The following ADGRA2 variants were observed in gnomAD, a reference collection of about 807,000 sequenced individuals.
ADGRA2 encodes adhesion G protein-coupled receptor A2.
In ADGRA2, 61 loss-of-function variants were observed where a neutral mutation model predicts 98.7. That is an observed-to-expected ratio of 0.62 (90% CI 0.50 to 0.76). The LOEUF (loss-of-function observed/expected upper bound fraction) is 0.76. Among genes scored for constraint, ADGRA2 ranks in the 30% least tolerant of loss-of-function variants. The pLI is 0.00. For missense variants in ADGRA2, 1,712 were observed against 1,860.0 expected (o/e 0.92, Z 1.46); for synonymous variants, 858 against 831.5 (o/e 1.03, Z -0.55).
At chr8:37,822,026 G>A (rs1161003386) in intron 2 of ADGRA2, among the ~76,000 whole-genome samples, 1 of 152,180 alleles carries the variant, frequency 6.6e-6, no homozygotes, top group Admixed American at 6.5e-5. Flanking sequence ...TGAGGCCCAG[G>A]AGGGAAGGCT....
At chr8:37,829,759 C>T in intron 5 of ADGRA2, 92 bp from the exon 6 acceptor site, 1 of 1,333,076 alleles carries the variant, frequency 7.5e-7, no homozygotes, top group Non-Finnish European at 1.1e-6. Context: ...CCCTCCTACC[C>T]TCTCCAGCTT....
intron 2 of ADGRA2, among the ~76,000 whole-genome samples, chr8:37,827,950 A>T (rs1194590486): frequency 1.3e-5 from 2 of 152,116 alleles, no homozygotes; most frequent in Admixed American, 6.5e-5. Context: ...CCTGGGCAAC[A>T]TAGTGGGACC....
At position 37,843,407 on chromosome 8, in the gene ADGRA2, C is replaced by G. The variant is rs1300884893; in HGVS notation, c.*1052C>G. On this transcript the variant is annotated 3_prime_UTR_variant, in exon 19 of 19. Coordinates refer to ENST00000412232, the MANE Select transcript of ADGRA2 (RefSeq NM_032777.10). The stretch of plus-strand genomic sequence containing the variant: ...AATGTCAAACCAGCTTCCCGACTCC[C>G]AGGAGCTCAAGCCAAGCCCAGAGGC... 1.3e-5 allele frequency: 2 copies of G among 152,318 alleles called. No individual in the cohort carries two copies. The highest frequency in any genetic ancestry group is 2.9e-5 in the Non-Finnish European group (2 of 68,104). The allele number at this position is 152,318 out of a possible 1,614,324, so 9.4% of individuals were successfully genotyped here. A position where few individuals can be genotyped will look rare whatever the true frequency, so the allele number is the denominator to read the frequency against.
At chr8:37,811,678 G>C (rs1804837076) in intron 1 of ADGRA2, among the ~76,000 whole-genome samples, 1 of 151,128 alleles carries the variant, frequency 6.6e-6, no homozygotes, top group Non-Finnish European at 1.5e-5. Context: ...GTTTCGCCAT[G>C]TTTGCCAGGC....
Position 37,841,798 on chromosome 8 carries a change from G to A in ADGRA2, c.3460G>A (p.Gly1154Ser). 1 of 1,531,248 alleles carries A rather than the reference G, an allele frequency of 6.5e-7. No homozygotes were observed. Among genetic ancestry groups the A allele is most frequent in the South Asian group, 1.2e-5 (1 of 83,510 alleles). The allele number at this position is 1,531,248 out of a possible 1,614,324, so 94.9% of individuals were successfully genotyped here. A position where few individuals can be genotyped will look rare whatever the true frequency, so the allele number is the denominator to read the frequency against. ...GGTGTGCGAGGCGGGGGCGGCGGCC[G>A]GCGGGGAAGGAGAGCCGGAGCCGGC... ...SQVCEAGAAA[G>S]GEGEPEPAGT... The change falls in exon 19 of 19, where the codon GGC becomes AGC. Residue 1154 changes from glycine to serine, a missense_variant. By Grantham distance (56) the Gly-to-Ser change is moderately conservative. Transcript: ENST00000412232. This position sits in a 1 kb window ranked among gnomAD's most constrained non-coding sequence, Gnocchi z 5.0.
chr8:37,840,954 C>T, intron 18 of ADGRA2, 105 bp downstream of exon 18: 2 of 1,164,688 alleles, frequency 1.7e-6, no homozygotes, highest in South Asian at 1.3e-5. Flanking sequence ...TAACCCAACC[C>T]AAGCCCATGC....
chr8:37,811,817 A>G (rs1224878459), intron 1 of ADGRA2, among the ~76,000 whole-genome samples: 4 of 150,928 alleles, frequency 2.7e-5, no homozygotes, highest in Non-Finnish European at 5.9e-5. Context: ...GGAAATTTAA[A>G]ATGGGCTGGG....
chr8:37,804,240 G>C (rs1804596777), intron 1 of ADGRA2, among the ~76,000 whole-genome samples: 3 of 152,090 alleles, frequency 2.0e-5, no homozygotes, highest in Non-Finnish European at 4.4e-5. Flanking sequence ...GGAACCTAGA[G>C]ACAAAGCCAC....
At chr8:37,808,560 G>C (rs1443868307) in intron 1 of ADGRA2, among the ~76,000 whole-genome samples, 1 of 126,162 alleles carries the variant, frequency 7.9e-6, no homozygotes, top group Non-Finnish European at 1.5e-5. Context: ...GGATGAAGCT[G>C]TGTGTGTGTG....
intron 1 of ADGRA2, among the ~76,000 whole-genome samples, chr8:37,799,602 G>A (rs1384793840): frequency 2.0e-5 from 3 of 152,086 alleles, no homozygotes; most frequent in East Asian, 1.9e-4. Flanking sequence ...TCCTATCCAC[G>A]CCACTCCACA....
chr8:37,841,329 C>G lies in ADGRA2; in HGVS notation c.2991C>G (p.Ser997Arg), dbSNP rs756859682. ...SDSGSLLATG[S>R]ARVGTPGPPE... ...CAGGTTCCCTTCTTGCTACTGGGAG[C>G]GCGCGAGTGGGGACGCCCGGGCCCC... Residue 997 changes from serine (S) to arginine (R), a missense_variant, in exon 19 of 19, where the codon AGC becomes AGG. Coordinates refer to ENST00000412232, the MANE Select transcript of ADGRA2 (RefSeq NM_032777.10). This position sits in a 1 kb window ranked among gnomAD's most constrained non-coding sequence, Gnocchi z 5.0. The G allele has an allele frequency of 6.2e-7, 1 of 1,605,800 alleles. No homozygotes were observed.
chr8:37,823,720 A>G (rs1805190178), intron 2 of ADGRA2, among the ~76,000 whole-genome samples: 1 of 152,140 alleles, frequency 6.6e-6, no homozygotes, highest in African/African-American at 2.4e-5. Context: ...CGTCATCAAC[A>G]CTTGCTGGAG....
chr8:37,815,409 C>T (rs942259412), intron 2 of ADGRA2, among the ~76,000 whole-genome samples: 9 of 152,224 alleles, frequency 5.9e-5, no homozygotes, highest in Admixed American at 2.0e-4. Flanking sequence ...TGGGGAAGTC[C>T]GATCATTTCC....
At chr8:37,823,062 T>C (rs1377105186) in intron 2 of ADGRA2, among the ~76,000 whole-genome samples, 1 of 151,982 alleles carries the variant, frequency 6.6e-6, no homozygotes, top group African/African-American at 2.4e-5. Context: ...CGGCTAATTT[T>C]TGTATTTTTA....
chr8:37,821,859 G>T (rs1805136091), intron 2 of ADGRA2, among the ~76,000 whole-genome samples: 1 of 152,214 alleles, frequency 6.6e-6, no homozygotes, highest in African/African-American at 2.4e-5. Flanking sequence ...GTGGCGGCCT[G>T]GGGGTGGAGT....
At position 37,834,089 on chromosome 8, in the gene ADGRA2, G is replaced by A. The variant is rs1180648887; in HGVS notation, c.1569G>A (p.Gly523=). 2 of 1,612,476 alleles carry A rather than the reference G, an allele frequency of 1.2e-6. No individual in the cohort carries two copies. Among genetic ancestry groups the A allele is most frequent in the African/African-American group, 2.7e-5 (2 of 74,930 alleles). Residue 523 remains glycine, a synonymous_variant, in exon 11 of 19, where the codon GGG becomes GGA. Coordinates refer to ENST00000412232, the MANE Select transcript of ADGRA2 (RefSeq NM_032777.10). The surrounding 1 kb of genome is among the most constrained non-coding windows in gnomAD (Gnocchi z 4.2). The part of the protein sequence containing the change: ...SRIVGALERI[G]GAALSPHAQH... Reference sequence around the variant, plus strand: ...TCGTGGGTGCCCTGGAGCGCATTGGGGGGGCCGCCCTCAGCCCCCATGCCC... The same window carrying A: ...TCGTGGGTGCCCTGGAGCGCATTGGAGGGGCCGCCCTCAGCCCCCATGCCC...
At chr8:37,812,103 G>GA (rs898687352) in intron 1 of ADGRA2, among the ~76,000 whole-genome samples, 4 of 150,606 alleles carry the variant, frequency 2.7e-5, no homozygotes, top group South Asian at 2.1e-4. Flanking sequence ...CTCTCTTTCA[G>GA]AAAAAAAAAG....
At chr8:37,836,677 C>G (rs746627412) in intron 13 of ADGRA2, among the ~76,000 whole-genome samples, 1 of 152,200 alleles carries the variant, frequency 6.6e-6, no homozygotes, top group Non-Finnish European at 1.5e-5. Flanking sequence ...TCCCTCATGC[C>G]GTCACCAGAT....
rs1425799254 is a variant in ADGRA2, at chr8:37,840,103, C to T, written c.2512-18C>T. The T allele has an allele frequency of 5.8e-6, 9 of 1,562,698 alleles. No homozygotes were observed. Among genetic ancestry groups the T allele is most frequent in the East Asian group, 4.5e-5 (2 of 44,590 alleles). On this transcript the variant is annotated intron_variant, in intron 16 of 18. Transcript: ENST00000412232. ...TCGTAGTCCCCAGGTCCCCAGCCTC[C>T]GTGCCTTGACCCCGCAGGTGGGCAT...
Sources: gnomAD v4.1 joint callset for allele counts (sites outside exome capture counted in the v4.1 genomes callset) on GRCh38, gnomAD v4.1.1 for gene constraint, Gnocchi (gnomAD v3.1) non-coding constraint, MANE v1.5 for transcripts, NCBI Gene and HGNC (gene_info 2026-07-23, HGNC 2026-07-21) for gene names.